PNKD: variants seen among roughly 807,000 people sequenced by gnomAD.
The protein encoded by PNKD is PNKD metallo-beta-lactamase domain containing, also known as probable thioesterase PNKD.
Under a neutral mutation model 45.3 loss-of-function variants are expected in PNKD, and 36 were observed. The observed-to-expected ratio is 0.80, with a 90% confidence interval of 0.61 to 1.05. The LOEUF is 1.05. Ranked by LOEUF, PNKD falls within the 50% of genes least tolerant of loss-of-function variation. PNKD has a pLI of 0.00. For missense variants in PNKD, 511 were observed against 506.6 expected (o/e 1.01, Z -0.08); for synonymous variants, 197 against 210.1 (o/e 0.94, Z 0.54).
At chr2:218,277,455 T>G in intron 2 of PNKD, 1 of 1,614,068 alleles carries the variant, frequency 6.2e-7, no homozygotes, top group Non-Finnish European at 8.5e-7. Context: ...TGGTACATAC[T>G]GGGGAGAAGC....
chr2:218,282,073 A>AG, intron 2 of PNKD: 3 of 1,555,070 alleles, frequency 1.9e-6, no homozygotes, highest in African/African-American at 1.4e-5. Context: ...CATAGCCCCC[A>AG]GGGGGCGGAG....
At chr2:218,334,214 C>G (rs1168911692) in intron 2 of PNKD, among the ~76,000 whole-genome samples, 1 of 152,052 alleles carries the variant, frequency 6.6e-6, no homozygotes, top group African/African-American at 2.4e-5. Flanking sequence ...TGAATACTAT[C>G]GTCTTTCATA....
At position 218,340,186 on chromosome 2, in the gene PNKD, G is replaced by T; in HGVS notation, c.465+45G>T. The T allele has an allele frequency of 2.4e-6, 3 of 1,241,272 alleles. No individual in the cohort carries two copies. The highest frequency in any genetic ancestry group is 2.4e-6 in the Non-Finnish European group (2 of 844,022). 76.9% of individuals were successfully genotyped at this position (1,241,272 alleles called of 1,614,324 possible). A position where few individuals can be genotyped will look rare whatever the true frequency, so the allele number is the denominator to read the frequency against. The stretch of plus-strand genomic sequence containing the variant: ...CAGGGGGTGCCTGGAGTCACCTTGG[G>T]GACTGGCAGTTTCGCCTTGCTAGAG... On this transcript the variant is annotated intron_variant, in intron 4 of 9. Coordinates refer to ENST00000273077, the MANE Select transcript of PNKD (RefSeq NM_015488.5). This position sits in a 1 kb window ranked among gnomAD's most constrained non-coding sequence, Gnocchi z 4.2.
intron 2 of PNKD, among the ~76,000 whole-genome samples, chr2:218,305,457 C>A (rs942930673): frequency 1.3e-5 from 2 of 152,012 alleles, no homozygotes; most frequent in Non-Finnish European, 2.9e-5. Flanking sequence ...CTCAAGCAAT[C>A]GTCTTGCCTC....
chr2:218,275,343 G>T, intron 2 of PNKD: 1 of 1,287,236 alleles, frequency 7.8e-7, no homozygotes, highest in Non-Finnish European at 1.0e-6. Context: ...CCTGTCTCCA[G>T]GACAGAAAGG....
intron 2 of PNKD, among the ~76,000 whole-genome samples, chr2:218,311,256 G>A (rs761271814): frequency 1.1e-4 from 17 of 152,298 alleles, no homozygotes; most frequent in Non-Finnish European, 2.4e-4. Context: ...TAATTGAAGG[G>A]GGCCAGCCCC....
At chr2:218,272,797 A>AGATTCC in intron 2 of PNKD, 1 of 1,613,750 alleles carries the variant, frequency 6.2e-7, no homozygotes, top group Non-Finnish European at 8.5e-7. Context: ...ATTGACTGTT[A>AGATTCC]AGTCCTCAGG....
In PNKD at chr2:218,279,376, G is replaced by C. The variant is rs374036962; in HGVS notation, c.236+7827G>C. Reference sequence around the variant, plus strand: ...AACCTGGACACAGACGGCCGGGCATGGGTCACCATCCGGCACCCCTGGCCT... The same window carrying C: ...AACCTGGACACAGACGGCCGGGCATCGGTCACCATCCGGCACCCCTGGCCT... On this transcript the variant is annotated intron_variant, in intron 2 of 9. Transcript: ENST00000273077. 2.5e-4 allele frequency: 384 copies of C among 1,539,036 alleles called. 2 individuals are homozygous for C. In the African/African-American group the frequency reaches 4.8e-3, roughly 19 times the overall value.
chr2:218,323,064 GC>G (rs528621958), intron 2 of PNKD: 4 of 799,198 alleles, frequency 5.0e-6, no homozygotes, highest in East Asian at 7.8e-5. Flanking sequence ...GAGCCAGGCC[GC>G]CCCCCAAGCC....
rs1694149213 is a variant in PNKD, at chr2:218,326,100, A to AG, written c.237-13678dup. ...CGGAATGGGACAGGACATGATGGGG[A>AG]GGGGGAGGGCACATGCACTACCAAC... is the stretch of plus-strand genomic sequence containing the variant. On this transcript the variant is annotated intron_variant, in intron 2 of 9. Coordinates refer to ENST00000273077, the MANE Select transcript of PNKD (RefSeq NM_015488.5). This position sits in a 1 kb window ranked among gnomAD's most constrained non-coding sequence, Gnocchi z 4.1. 1.6e-5 allele frequency among the ~76,000 whole-genome samples: 2 copies of AG among 124,126 alleles called. No individual in the cohort carries two copies. Among genetic ancestry groups the AG allele is most frequent in the Non-Finnish European group, 3.5e-5 (2 of 57,738 alleles). 81.4% of individuals were successfully genotyped at this position (124,126 alleles called of 152,430 possible).
chr2:218,277,285 G>T, intron 2 of PNKD: 1 of 1,350,292 alleles, frequency 7.4e-7, no homozygotes, highest in South Asian at 1.2e-5. Context: ...GGTCTCTAGG[G>T]AACATCCCTA....
At chr2:218,308,587 T>C (rs1394215347) in intron 2 of PNKD, among the ~76,000 whole-genome samples, 1 of 151,882 alleles carries the variant, frequency 6.6e-6, no homozygotes, top group Non-Finnish European at 1.5e-5. Flanking sequence ...CACTACTTTC[T>C]TTCTTTCTTT....
At chr2:218,315,023 T>TC (rs1193732010) in intron 2 of PNKD, among the ~76,000 whole-genome samples, 45 of 1,068 alleles carry the variant, frequency 0.042, 3 homozygotes, top group African/African-American at 0.048. Flanking sequence ...TTTCTTTCTT[T>TC]CTTTCTTTCT....
intron 2 of PNKD, among the ~76,000 whole-genome samples, chr2:218,299,916 C>T (rs578242247): frequency 1.3e-5 from 2 of 151,674 alleles, no homozygotes; most frequent in African/African-American, 4.8e-5. Context: ...CCACCGCGCC[C>T]GGCTAATTTT....
chr2:218,314,066 C>A (rs1054107930), intron 2 of PNKD, among the ~76,000 whole-genome samples: 3 of 151,602 alleles, frequency 2.0e-5, no homozygotes, highest in Non-Finnish European at 2.9e-5. Context: ...GGATTACAGG[C>A]ATGTGCCACC....
chr2:218,305,938 T>A (rs184661298), intron 2 of PNKD, among the ~76,000 whole-genome samples: 3 of 152,294 alleles, frequency 2.0e-5, no homozygotes, highest in Admixed American at 6.5e-5. Context: ...CCTCCTCTGT[T>A]GAGAGCTGCC....
At chr2:218,279,354 C>T (rs1179749784) in intron 2 of PNKD, 4 of 1,572,172 alleles carry the variant, frequency 2.5e-6, no homozygotes, top group Non-Finnish European at 3.4e-6. Flanking sequence ...TGGAGTAAAC[C>T]TGGACACAGA....
At chr2:218,272,149 C>T (rs1426870001) in intron 2 of PNKD, among the ~76,000 whole-genome samples, 10 of 145,062 alleles carry the variant, frequency 6.9e-5, no homozygotes, top group Non-Finnish European at 6.2e-5. Context: ...GCCTCCCAAG[C>T]AGTGGTTACT....
intron 2 of PNKD, among the ~76,000 whole-genome samples, chr2:218,284,928 A>G (rs913019656): frequency 2.0e-5 from 3 of 152,164 alleles, no homozygotes; most frequent in Non-Finnish European, 4.4e-5. Context: ...CGTCTCTACT[A>G]AAAATATAAA....
Sources: allele counts gnomAD v4.1 joint callset (sites outside exome capture counted in the v4.1 genomes callset), GRCh38; gene constraint gnomAD v4.1.1; non-coding constraint Gnocchi (gnomAD v3.1); transcripts MANE v1.5; gene names NCBI Gene and HGNC (gene_info 2026-07-23, HGNC 2026-07-21).